Variants in TUBGCP5 observed in about 807,000 individuals in gnomAD.
TUBGCP5 encodes gamma-tubulin complex component 5.
In TUBGCP5, 98 loss-of-function variants were observed where a neutral mutation model predicts 134.7. The observed-to-expected ratio is 0.73, with a 90% CI of 0.62 to 0.86. The LOEUF (loss-of-function observed/expected upper bound fraction) is 0.86, where lower values mean the gene tolerates loss of function less well. TUBGCP5 is among the 40% of genes least tolerant of loss of function. The pLI is 0.00. For synonymous variants in TUBGCP5, 456 were observed against 431.4 expected (o/e 1.06, Z -0.71); for missense variants, 1,150 against 1,244.8 (o/e 0.92, Z 1.15).
intron 13 of TUBGCP5, among the ~76,000 whole-genome samples, chr15:23,017,218 A>T (rs2140509418): frequency 6.6e-6 from 1 of 152,134 alleles, no homozygotes; most frequent in South Asian, 2.1e-4. Flanking sequence ...TAAAGGATAC[A>T]AATAGCTAGC....
rs967819960 is a variant in TUBGCP5, at chr15:23,039,305, C to G, written c.146+93G>C. ...GCCGCGCCCGCCTCCGCCCCATGCC[C>G]TGCCCCAGCGCGCCCCGACCCCGGG... On this transcript the variant is annotated intron_variant, in intron 1 of 22. Coordinates refer to ENST00000615383, the MANE Select transcript of TUBGCP5 (RefSeq NM_052903.6). 21 of 1,217,862 alleles carry G rather than the reference C, an allele frequency of 1.7e-5. No homozygotes were observed. The African/African-American group carries it at 2.1e-4, about 12-fold the overall frequency. 75.4% of individuals were successfully genotyped at this position (1,217,862 alleles called of 1,614,324 possible). A position where few individuals can be genotyped will look rare whatever the true frequency, so the allele number is the denominator to read the frequency against.
At position 22,999,593 on chromosome 15, in the gene TUBGCP5, GTTTCACCA is replaced by G; in HGVS notation, c.*219_*226del. 1 of 546,364 alleles carries G rather than the reference GTTTCACCA, an allele frequency of 1.8e-6. No homozygotes were observed. The highest frequency in any genetic ancestry group is 3.3e-6 in the Non-Finnish European group (1 of 304,394). The allele number at this position is 546,364 out of a possible 1,614,324, so 33.8% of individuals were successfully genotyped here. A position where few individuals can be genotyped will look rare whatever the true frequency, so the allele number is the denominator to read the frequency against. ...ATTTTGTATTTTTGGTAGACACCGG[GTTTCACCA>G]TGTTGCCCAGGCTGGCCTCAAACTC... is the stretch of plus-strand genomic sequence containing the variant. On this transcript the variant is annotated 3_prime_UTR_variant, in exon 23 of 23. Transcript: ENST00000615383.
At chr15:22,997,225 G>C (rs1230429495), downstream of TUBGCP5, among the ~76,000 whole-genome samples, 1 of 151,924 alleles carries the variant, frequency 6.6e-6, no homozygotes, top group Admixed American at 6.6e-5. Flanking sequence ...TGTCACCCAG[G>C]CTGGAGTGCA....
At chr15:23,018,104 C>A in intron 12 of TUBGCP5, 63 bp from the exon 13 acceptor site, 1 of 1,479,056 alleles carries the variant, frequency 6.8e-7, no homozygotes, top group South Asian at 1.3e-5. Flanking sequence ...CATACTTGTT[C>A]TAGTTTGTTG....
chr15:23,029,964 G>A (rs1357910536), intron 6 of TUBGCP5, among the ~76,000 whole-genome samples: 2 of 152,184 alleles, frequency 1.3e-5, no homozygotes, highest in African/African-American at 4.8e-5. Flanking sequence ...GGACGCAGAG[G>A]CGGAGTAATT....
Position 23,004,539 on chromosome 15 carries a change from AT to A in TUBGCP5, c.2713-313del, listed in dbSNP as rs1567104856. The A allele has an allele frequency of 2.9e-5, 7 of 237,778 alleles. No homozygotes were observed. In the East Asian group the frequency reaches 6.4e-4, roughly 22 times the overall value. The allele number at this position is 237,778 out of a possible 1,614,324, so 14.7% of individuals were successfully genotyped here. A position where few individuals can be genotyped will look rare whatever the true frequency, so the allele number is the denominator to read the frequency against. ...ATTAAGCTGTATATAAGACACATCG[AT>A]AAAAAAAAAATCAAGTAAATGTGTT... On this transcript the variant is annotated intron_variant, in intron 19 of 22. Transcript: ENST00000615383.
chr15:23,037,044 G>A (rs777469490), intron 2 of TUBGCP5, 39 bp from the exon 3 acceptor site: 1 of 1,593,696 alleles, frequency 6.3e-7, no homozygotes, highest in South Asian at 1.1e-5. Flanking sequence ...ATCTTAAAAA[G>A]ATCTATAAGA....
intron 13 of TUBGCP5, among the ~76,000 whole-genome samples, chr15:23,015,163 C>G (rs2065241488): frequency 6.6e-6 from 1 of 152,014 alleles, no homozygotes. Context: ...TGGCTCACTG[C>G]AAACCTCCGC....
chr15:23,033,896 T>G (rs1041008180), intron 3 of TUBGCP5, among the ~76,000 whole-genome samples: 2 of 152,184 alleles, frequency 1.3e-5, no homozygotes, highest in Non-Finnish European at 2.9e-5. Context: ...TCTATTTGAT[T>G]GCCAGTCTTT....
chr15:22,986,837 A>G (rs989427676), intron 23 of TUBGCP5, among the ~76,000 whole-genome samples: 6 of 152,140 alleles, frequency 3.9e-5, no homozygotes, highest in African/African-American at 1.2e-4. Flanking sequence ...AGAGGCGTGT[A>G]GGAAACTTCT....
intron 23 of TUBGCP5, among the ~76,000 whole-genome samples, chr15:22,991,955 G>A (rs762380532): frequency 2.0e-5 from 3 of 152,130 alleles, no homozygotes; most frequent in Admixed American, 6.5e-5. Flanking sequence ...CTTGAGCACC[G>A]TCTGGTCCAC....
intron 5 of TUBGCP5, among the ~76,000 whole-genome samples, 157 bp downstream of exon 5, chr15:23,031,793 G>A (rs1286210268): frequency 6.6e-6 from 1 of 152,070 alleles, no homozygotes; most frequent in Non-Finnish European, 1.5e-5. Flanking sequence ...ATGATTTGGT[G>A]CGAAATCCTA....
At chr15:23,012,326 T>C (rs1015047249) in intron 13 of TUBGCP5, among the ~76,000 whole-genome samples, 2 of 152,190 alleles carry the variant, frequency 1.3e-5, no homozygotes, top group African/African-American at 4.8e-5. Flanking sequence ...GTAGATACAA[T>C]AATATAATTA....
At chr15:23,020,383 G>T (rs973643141) in intron 11 of TUBGCP5, among the ~76,000 whole-genome samples, 2 of 151,564 alleles carry the variant, frequency 1.3e-5, no homozygotes, top group Non-Finnish European at 2.9e-5. Context: ...CTCCAGCCTG[G>T]GCGACAGGGC....
chr15:23,021,127 C>T (rs918723685), intron 11 of TUBGCP5, among the ~76,000 whole-genome samples: 2 of 151,938 alleles, frequency 1.3e-5, no homozygotes, highest in African/African-American at 2.4e-5. Flanking sequence ...GGTGTCAGCA[C>T]ACCTGGCTAC....
Position 23,003,071 on chromosome 15 carries a change from G to C in TUBGCP5, c.2921C>G (p.Thr974Ser), listed in dbSNP as rs749130831. 1.2e-6 allele frequency: 2 copies of C among 1,613,918 alleles called. No homozygotes were observed. Among genetic ancestry groups the C allele is most frequent in the Non-Finnish European group, 1.7e-6 (2 of 1,179,960 alleles). The change falls in exon 21 of 23, where the codon ACT becomes AGT. Residue 974 changes from threonine to serine, a missense_variant. Physicochemically the swap from Thr to Ser is moderately conservative, Grantham distance 58. Coordinates refer to ENST00000615383, the MANE Select transcript of TUBGCP5 (RefSeq NM_052903.6). ...GCAGAAATCACATACTTACCGCCAA[G>C]TGCCCAGGCCTGCCTGCCAACCGTC... ...FADGWQAGLG[T>S]WRMESIEKME...
At chr15:23,036,242 C>T (rs2066583251) in intron 3 of TUBGCP5, among the ~76,000 whole-genome samples, 1 of 152,162 alleles carries the variant, frequency 6.6e-6, no homozygotes, top group South Asian at 2.1e-4. Flanking sequence ...GTCACCAAGG[C>T]TCAGCCGAGT....
rs369352501 is a variant in TUBGCP5, at chr15:23,005,775, GAA to G, written c.2534-167_2534-166del. On this transcript the variant is annotated intron_variant, in intron 18 of 22. Transcript: ENST00000615383. ...TCAGTGCCTCTGGAAGGTGCAGTGG[GAA>G]AAGTTTCCTGTATCACTTTTCCTAA... 2.9e-4 allele frequency: 216 copies of G among 755,018 alleles called. 4 individuals are homozygous for G. In the South Asian group the frequency reaches 4.0e-3, roughly 14 times the overall value. The allele number at this position is 755,018 out of a possible 1,614,324, so 46.8% of individuals were successfully genotyped here.
chr15:23,006,080 T>C lies in TUBGCP5; in HGVS notation c.2505A>G (p.Lys835=). The C allele has an allele frequency of 8.1e-6, 13 of 1,610,604 alleles. 1 individual carries two copies. Among genetic ancestry groups the C allele is most frequent in the Non-Finnish European group, 1.1e-5 (13 of 1,179,340 alleles). ...FLLLLQIKWA[K]YSLDVLLFGE... is the part of the protein sequence containing the mutation. ...CAAAAAGTAAAACATCCAGACTATA[T>C]TTTGCCCACTTTATTTGCAATAAGA... Residue 835 remains lysine (K), a synonymous_variant, in exon 18 of 23, where the codon AAA becomes AAG. Transcript: ENST00000615383.
Sources: allele counts gnomAD v4.1 joint callset (sites outside exome capture counted in the v4.1 genomes callset), GRCh38; gene constraint gnomAD v4.1.1; transcripts MANE v1.5; gene names NCBI Gene and HGNC (gene_info 2026-07-23, HGNC 2026-07-21).